The following TSPAN15 variants were observed in gnomAD, a reference collection of about 807,000 sequenced individuals.
TSPAN15 encodes tetraspanin 15, also known as tetraspanin-15.
A neutral mutation model predicts 34.5 loss-of-function variants in TSPAN15; 20 were observed. The observed-to-expected ratio is 0.58, with a 90% CI of 0.41 to 0.84. The LOEUF (loss-of-function observed/expected upper bound fraction) is 0.84. Among genes scored for constraint, TSPAN15 ranks in the 40% least tolerant of loss-of-function variants. TSPAN15 has a pLI of 0.00. For missense variants in TSPAN15, 313 were observed against 386.1 expected (o/e 0.81, Z 1.59); for synonymous variants, 155 against 153.9 (o/e 1.01, Z -0.05).
chr10:69,523,472 A>G, the TSPAN15 span: 1 of 541,536 alleles, frequency 1.8e-6, no homozygotes, highest in Non-Finnish European at 3.5e-6. Flanking sequence ...TTTCTGCAAG[A>G]GGGCACCCCT....
chr10:69,463,225 C>T (rs1330313487), intron 1 of TSPAN15, among the ~76,000 whole-genome samples: 1 of 152,206 alleles, frequency 6.6e-6, no homozygotes, highest in East Asian at 1.9e-4. Context: ...GATAATTTTT[C>T]CTCCTTCAAT....
intron 1 of TSPAN15, among the ~76,000 whole-genome samples, chr10:69,463,256 T>G (rs1841309328): frequency 6.6e-6 from 1 of 152,194 alleles, no homozygotes; most frequent in Non-Finnish European, 1.5e-5. Flanking sequence ...GTTTGAGAAC[T>G]CTCGATGCAG....
intron 5 of TSPAN15, among the ~76,000 whole-genome samples, chr10:69,499,290 G>T (rs977152455): frequency 6.6e-6 from 1 of 152,226 alleles, no homozygotes; most frequent in African/African-American, 2.4e-5. Flanking sequence ...GAGCAGCTGC[G>T]GGTGGGGGCC....
At chr10:69,527,270 C>G in the TSPAN15 span, among the ~76,000 whole-genome samples, 1 of 147,928 alleles carries the variant, frequency 6.8e-6, no homozygotes, top group African/African-American at 2.5e-5. Context: ...ATAAAATACA[C>G]TAACATTAGT....
At chr10:69,482,895 C>T (rs554543605) in intron 1 of TSPAN15, among the ~76,000 whole-genome samples, 1 of 152,152 alleles carries the variant, frequency 6.6e-6, no homozygotes, top group Non-Finnish European at 1.5e-5. Flanking sequence ...GACTGAATGG[C>T]TTAAACAATA....
chr10:69,514,681 C>T, the TSPAN15 span, among the ~76,000 whole-genome samples: 1 of 152,188 alleles, frequency 6.6e-6, no homozygotes, highest in Non-Finnish European at 1.5e-5. Context: ...TTTCATCTCT[C>T]TTATTCCTGG....
the TSPAN15 span, among the ~76,000 whole-genome samples, chr10:69,518,854 G>A: frequency 9.2e-5 from 14 of 152,132 alleles, no homozygotes; most frequent in Non-Finnish European, 1.8e-4. Flanking sequence ...GTAAAGGGAG[G>A]AGGCACCCAG....
chr10:69,496,577 T>C (rs1842090301), intron 4 of TSPAN15, among the ~76,000 whole-genome samples: 1 of 152,054 alleles, frequency 6.6e-6, no homozygotes, highest in Admixed American at 6.5e-5. Flanking sequence ...GCTGTGGGGA[T>C]CATTGGTATG....
At chr10:69,489,955 C>T (rs1485082498) in intron 3 of TSPAN15, among the ~76,000 whole-genome samples, 3 of 152,202 alleles carry the variant, frequency 2.0e-5, no homozygotes, top group Non-Finnish European at 4.4e-5. Flanking sequence ...GTGAGGGTGT[C>T]AGGTGTCAGA....
At chr10:69,453,750 T>G (rs1006857733) in intron 1 of TSPAN15, among the ~76,000 whole-genome samples, 2 of 152,268 alleles carry the variant, frequency 1.3e-5, no homozygotes, top group Non-Finnish European at 2.9e-5. Flanking sequence ...GTTCTGTCAC[T>G]GTCCTTTGCA....
chr10:69,485,972 C>T (rs964407515), intron 3 of TSPAN15, among the ~76,000 whole-genome samples: 29 of 152,170 alleles, frequency 1.9e-4, no homozygotes, highest in African/African-American at 6.0e-4. Context: ...TTGCAGAATC[C>T]GGGCCCCTTA....
intron 3 of TSPAN15, among the ~76,000 whole-genome samples, chr10:69,488,380 T>C (rs536025083): frequency 2.6e-5 from 4 of 152,096 alleles, no homozygotes; most frequent in Admixed American, 6.5e-5. Flanking sequence ...GAGGAGGTGA[T>C]TTCCCAATTC....
chr10:69,461,029 G>A (rs1841241662), intron 1 of TSPAN15, among the ~76,000 whole-genome samples: 1 of 152,160 alleles, frequency 6.6e-6, no homozygotes, highest in Non-Finnish European at 1.5e-5. Flanking sequence ...ACAGGGGTGA[G>A]GCTTAGATGA....
chr10:69,539,482 G>A, the TSPAN15 span, among the ~76,000 whole-genome samples: 1,812 of 66,640 alleles, frequency 0.027, 83 homozygotes, highest in African/African-American at 0.066. Context: ...GAAGGAGAAG[G>A]AGAAGAAGAA....
chr10:69,530,753 G>A, the TSPAN15 span, among the ~76,000 whole-genome samples: 1 of 133,888 alleles, frequency 7.5e-6, no homozygotes, highest in Non-Finnish European at 1.6e-5. Context: ...AGAGGTTGCA[G>A]TGCCCAGCCT....
chr10:69,524,536 C>T, the TSPAN15 span, among the ~76,000 whole-genome samples: 1 of 146,806 alleles, frequency 6.8e-6, no homozygotes, highest in Non-Finnish European at 1.5e-5. Context: ...ACTCCTTCTT[C>T]GTGAAGAACA....
At chr10:69,522,538 T>C in the TSPAN15 span, among the ~76,000 whole-genome samples, 1 of 146,434 alleles carries the variant, frequency 6.8e-6, no homozygotes, top group Non-Finnish European at 1.5e-5. Context: ...TACAGACAGG[T>C]ACTGGTCCAT....
the TSPAN15 span, among the ~76,000 whole-genome samples, chr10:69,513,027 G>A: frequency 6.6e-6 from 1 of 152,148 alleles, no homozygotes; most frequent in African/African-American, 2.4e-5. Context: ...TTCCAAAGTG[G>A]TTGCACAATT....
At chr10:69,544,583 C>T in the TSPAN15 span, among the ~76,000 whole-genome samples, 4 of 152,248 alleles carry the variant, frequency 2.6e-5, no homozygotes, top group Non-Finnish European at 4.4e-5. Context: ...GGCGGCTTCA[C>T]GGCCTTGCTG....
Sources: allele counts gnomAD v4.1 joint callset (sites outside exome capture counted in the v4.1 genomes callset), GRCh38; gene constraint gnomAD v4.1.1; transcripts MANE v1.5; gene names NCBI Gene and HGNC (gene_info 2026-07-23, HGNC 2026-07-21).